YTHDF2: variants seen among roughly 807,000 people sequenced by gnomAD.
YTHDF2 encodes YTH domain-containing family protein 2.
YTHDF2 carries 2 observed loss-of-function variants against 50.4 expected under a neutral mutation model. The observed-to-expected ratio is 0.04, with a 90% CI of 0.02 to 0.12. The LOEUF (loss-of-function observed/expected upper bound fraction) is 0.12, where lower values mean the gene tolerates loss of function less well. YTHDF2 is among the 10% of genes least tolerant of loss of function. The pLI, the probability that YTHDF2 is intolerant of heterozygous loss-of-function variation, is 1.00. For missense variants in YTHDF2, 483 were observed against 722.6 expected, an observed-to-expected ratio of 0.67 and a Z score of 3.80; for synonymous variants, 217 against 255.6, an observed-to-expected ratio of 0.85 and a Z score of 1.44.
chr1:28,757,227 G>C (rs941365139), intron 4 of YTHDF2, among the ~76,000 whole-genome samples: 13 of 152,224 alleles, frequency 8.5e-5, no homozygotes, highest in African/African-American at 3.1e-4. Context: ...ATATATTAAA[G>C]TACTAATTGA....
intron 4 of YTHDF2, among the ~76,000 whole-genome samples, chr1:28,747,295 A>G (rs942077485): frequency 1.3e-5 from 2 of 150,600 alleles, no homozygotes; most frequent in Non-Finnish European, 3.0e-5. Context: ...ACCATTGCCC[A>G]GCGCGGTGGC....
rs548388440 is a variant in YTHDF2 at position 28,758,807 on chromosome 1, G to A, written c.1717-10122G>A. Among the ~76,000 whole-genome samples the A allele has an allele frequency of 1.7e-3, 253 of 152,294 alleles. 2 individuals carry two copies. In the Middle Eastern group the frequency reaches 0.017, roughly 10 times the overall value. On this transcript the variant is annotated intron_variant, in intron 4 of 4. Coordinates refer to ENST00000373812, the MANE Select transcript of YTHDF2 (RefSeq NM_016258.3). ...GCAAAAGTTACTTTAGTTGAGGTCG[G>A]TGGGCCTGCACAGTGGTGAGGAGAG... is the stretch of plus-strand genomic sequence containing the variant.
chr1:28,742,383 C>T lies in YTHDF2; in HGVS notation c.133-20C>T. On this transcript the variant is annotated intron_variant, in intron 3 of 4. Transcript: ENST00000373812. The stretch of plus-strand genomic sequence containing the variant: ...TGTTAATTTTTTGTGTTTTGATTTG[C>T]CTTTTTTTTTCTTCCACAGAATAAT... 1.3e-6 allele frequency: 2 copies of T among 1,525,484 alleles called. No homozygotes were observed. The highest frequency in any genetic ancestry group is 1.8e-6 in the Non-Finnish European group (2 of 1,139,590). 94.5% of individuals were successfully genotyped at this position (1,525,484 alleles called of 1,614,324 possible).
chr1:28,738,276 C>A lies in YTHDF2; in HGVS notation c.70C>A (p.His24Asn), dbSNP rs1302918126. Residue 24 changes from histidine to asparagine, a missense_variant, in exon 3 of 5, where the codon CAT becomes AAT. His to Asn is a moderately conservative substitution (Grantham distance 68, BLOSUM62 1). Coordinates refer to ENST00000373812, the MANE Select transcript of YTHDF2 (RefSeq NM_016258.3). ...TTCTTTAGTACAAAATGGATCTGTACATCAAAAGGATGGATTAAACGATGA... is the reference window on the plus strand; with the variant it reads ...TTCTTTAGTACAAAATGGATCTGTAAATCAAAAGGATGGATTAAACGATGA... ...QGNKVQNGSV[H>N]QKDGLNDDDF... 1 of 1,613,972 alleles carries A rather than the reference C, an allele frequency of 6.2e-7. No individual in the cohort carries two copies. Among genetic ancestry groups the A allele is most frequent in the Non-Finnish European group, 8.5e-7 (1 of 1,179,900 alleles).
At chr1:28,738,686 G>A (rs1452795040) in intron 3 of YTHDF2, among the ~76,000 whole-genome samples, 4 of 152,100 alleles carry the variant, frequency 2.6e-5, no homozygotes, top group Admixed American at 6.5e-5. Context: ...TGATTCACCC[G>A]CCTTGGCCTC....
intron 4 of YTHDF2, among the ~76,000 whole-genome samples, chr1:28,762,284 C>T (rs934320158): frequency 4.6e-5 from 7 of 152,000 alleles, no homozygotes; most frequent in African/African-American, 1.4e-4. Flanking sequence ...CCCAGCTACT[C>T]GGGAGGCTGA....
At chr1:28,752,206 T>C (rs2087965596) in intron 4 of YTHDF2, among the ~76,000 whole-genome samples, 1 of 152,222 alleles carries the variant, frequency 6.6e-6, no homozygotes, top group African/African-American at 2.4e-5. Flanking sequence ...AATTCCTTAC[T>C]CTTGAGGTTA....
intron 4 of YTHDF2, among the ~76,000 whole-genome samples, chr1:28,764,164 T>C (rs1227385863): frequency 6.6e-6 from 1 of 151,734 alleles, no homozygotes; most frequent in African/African-American, 2.4e-5. Context: ...TTGGTCAGGC[T>C]GGTCTCGAAC....
rs954580278 is a variant in YTHDF2, at chr1:28,769,136, A to G, written c.*184A>G. ...GACTTAACTGGAAAATGAAAAAAAAAAGAAAAAGAAAAAACTAAACAAAAA... is the reference window on the plus strand; with the variant it reads ...GACTTAACTGGAAAATGAAAAAAAAGAGAAAAAGAAAAAACTAAACAAAAA... On this transcript the variant is annotated 3_prime_UTR_variant, in exon 5 of 5. Coordinates refer to ENST00000373812, the MANE Select transcript of YTHDF2 (RefSeq NM_016258.3). 4 of 432,306 alleles carry G rather than the reference A, an allele frequency of 9.3e-6. No homozygotes were observed. The highest frequency in any genetic ancestry group is 4.1e-5 in the African/African-American group (2 of 48,836). The allele number at this position is 432,306 out of a possible 1,614,324, so 26.8% of individuals were successfully genotyped here.
chr1:28,766,651 T>A (rs1444249265), intron 4 of YTHDF2, among the ~76,000 whole-genome samples: 1 of 152,122 alleles, frequency 6.6e-6, no homozygotes, highest in Non-Finnish European at 1.5e-5. Flanking sequence ...CTCATCAAAC[T>A]GTCTCCTTTT....
chr1:28,763,872 T>G (rs2088173757), intron 4 of YTHDF2, among the ~76,000 whole-genome samples: 2 of 27,410 alleles, frequency 7.3e-5, no homozygotes, highest in East Asian at 3.2e-4. Context: ...CCAACTTTTG[T>G]TTTTTTTTTT....
chr1:28,744,944 T>G (rs1279299404), intron 4 of YTHDF2, among the ~76,000 whole-genome samples: 1 of 152,088 alleles, frequency 6.6e-6, no homozygotes, highest in African/African-American at 2.4e-5. Flanking sequence ...GGATTACAGG[T>G]GTGAGCCACT....
chr1:28,760,734 C>G (rs2088111145), intron 4 of YTHDF2, among the ~76,000 whole-genome samples: 1 of 152,110 alleles, frequency 6.6e-6, no homozygotes, highest in Non-Finnish European at 1.5e-5. Flanking sequence ...CCGCGTGCCA[C>G]TACACCCAGC....
chr1:28,755,001 C>G (rs1157487485), intron 4 of YTHDF2, among the ~76,000 whole-genome samples: 1 of 148,018 alleles, frequency 6.8e-6, no homozygotes. Context: ...GGAGATGGCT[C>G]AGAGACTAAA....
chr1:28,767,394 C>CT (rs1479472638), intron 4 of YTHDF2, among the ~76,000 whole-genome samples: 1 of 151,960 alleles, frequency 6.6e-6, no homozygotes, highest in African/African-American at 2.4e-5. Context: ...CATCTATAGT[C>CT]TAAGTTTCTA....
At chr1:28,755,496 C>T (rs2088023959) in intron 4 of YTHDF2, among the ~76,000 whole-genome samples, 1 of 152,036 alleles carries the variant, frequency 6.6e-6, no homozygotes, top group Non-Finnish European at 1.5e-5. Flanking sequence ...CATTAAAACA[C>T]AGAAAAGAGT....
Position 28,754,305 on chromosome 1 carries a change from G to A in YTHDF2, c.1716+10319G>A, listed in dbSNP as rs138723102. Among the ~76,000 whole-genome samples, 1,332 of 151,918 alleles carry A rather than the reference G, an allele frequency of 8.8e-3. 6 individuals are homozygous for A. Among genetic ancestry groups the A allele is most frequent in the Non-Finnish European group, 0.016 (1,086 of 67,930 alleles). On this transcript the variant is annotated intron_variant, in intron 4 of 4. Coordinates refer to ENST00000373812, the MANE Select transcript of YTHDF2 (RefSeq NM_016258.3). Reference sequence around the variant, plus strand: ...CACTTTGGGAGGCCAAGGTTGGCAGGTCATTTGAGGCCATGAGTTTGATAC... The same window carrying A: ...CACTTTGGGAGGCCAAGGTTGGCAGATCATTTGAGGCCATGAGTTTGATAC...
In YTHDF2 at chr1:28,743,409, C is replaced by A. The variant is rs1419018063; in HGVS notation, c.1139C>A (p.Ser380Tyr). ...GVGQSQAGSG[S>Y]TPSEPHPVLE... The stretch of plus-strand genomic sequence containing the variant: ...GGACAGTCTCAGGCTGGTTCTGGAT[C>A]TACTCCTTCAGAACCCCACCCAGTG... The change falls in exon 4 of 5, where the codon TCT becomes TAT. Residue 380 changes from serine (S) to tyrosine (Y), a missense_variant. Transcript: ENST00000373812. This position sits in a 1 kb window ranked among gnomAD's most constrained non-coding sequence, Gnocchi z 6.9. 6.2e-7 allele frequency: 1 copy of A among 1,614,136 alleles called. No individual in the cohort carries two copies. Among genetic ancestry groups the A allele is most frequent in the South Asian group, 1.1e-5 (1 of 91,084 alleles).
At chr1:28,767,190 A>C (rs1307445226) in intron 4 of YTHDF2, among the ~76,000 whole-genome samples, 2 of 152,186 alleles carry the variant, frequency 1.3e-5, no homozygotes, top group East Asian at 1.9e-4. Flanking sequence ...CTTTTGAAGC[A>C]ATATTGAACA....
Sources: gnomAD v4.1 joint callset for allele counts (sites outside exome capture counted in the v4.1 genomes callset) on GRCh38, gnomAD v4.1.1 for gene constraint, Gnocchi (gnomAD v3.1) non-coding constraint, MANE v1.5 for transcripts, NCBI Gene and HGNC (gene_info 2026-07-23, HGNC 2026-07-21) for gene names.